The following PRRC1 variants were observed in gnomAD, a reference collection of about 807,000 sequenced individuals.
PRRC1 encodes the protein protein PRRC1.
In PRRC1, 39 loss-of-function variants were observed where a neutral mutation model predicts 40.7. That is an observed-to-expected ratio of 0.96 (90% CI 0.74 to 1.25). PRRC1 has a LOEUF of 1.25. Among genes scored for constraint, PRRC1 ranks in the 50% most tolerant of loss-of-function variants. The pLI is 0.00. For missense variants in PRRC1, 573 were observed against 548.3 expected, an observed-to-expected ratio of 1.05 and a Z score of -0.45; for synonymous variants, 175 against 193.3, an observed-to-expected ratio of 0.91 and a Z score of 0.79.
chr5:127,542,932 T>A (rs1488148058), intron 7 of PRRC1, among the ~76,000 whole-genome samples: 1 of 152,186 alleles, frequency 6.6e-6, no homozygotes, highest in African/African-American at 2.4e-5. Context: ...GTTAGCTGGT[T>A]ATTTTTCTCA....
At chr5:127,544,787 C>T (rs1289759494) in intron 7 of PRRC1, among the ~76,000 whole-genome samples, 2 of 152,178 alleles carry the variant, frequency 1.3e-5, no homozygotes, top group African/African-American at 4.8e-5. Context: ...GTCTGTCACC[C>T]CTTTCTTTGA....
At position 127,523,576 on chromosome 5, in the gene PRRC1, C is replaced by T. The variant is rs1450033087; in HGVS notation, c.97C>T (p.Pro33Ser). 3 of 1,598,664 alleles carry T rather than the reference C, an allele frequency of 1.9e-6. No homozygotes were observed. The highest frequency in any genetic ancestry group is 2.6e-6 in the Non-Finnish European group (3 of 1,171,138). ...AATAMSSTPV[P>S]LAATSSFSSP... is the part of the protein sequence containing the mutation. ...TACTGCTATGTCTTCTACCCCTGTT[C>T]CATTAGGTACATGTAGTTGTCTAAC... The change falls in exon 2 of 9, where the codon CCA becomes TCA. Residue 33 changes from proline (P) to serine (S), a missense_variant. Physicochemically the swap from Pro to Ser is moderately conservative, Grantham distance 74. Coordinates refer to ENST00000296666, the MANE Select transcript of PRRC1 (RefSeq NM_130809.5).
intron 8 of PRRC1, chr5:127,548,710 A>G (rs1004222945): frequency 2.6e-5 from 4 of 152,100 alleles, no homozygotes; most frequent in Non-Finnish European, 5.9e-5. Context: ...CCCAAGAAAA[A>G]TGCGTGTATG....
intron 3 of PRRC1, 108 bp from the exon 4 acceptor site, chr5:127,526,510 G>A (rs1767617372): frequency 1.3e-6 from 1 of 743,100 alleles, no homozygotes; most frequent in Non-Finnish European, 2.1e-6. Context: ...GTATAACTCA[G>A]TCTTCAAATG....
At position 127,552,382 on chromosome 5, in the gene PRRC1, G is replaced by GC; in HGVS notation, c.*467dup. 1 of 1,001,488 alleles carries GC rather than the reference G, an allele frequency of 1.0e-6. No homozygotes were observed. The highest frequency in any genetic ancestry group is 1.2e-6 in the Non-Finnish European group (1 of 838,572). The allele number at this position is 1,001,488 out of a possible 1,614,324, so 62.0% of individuals were successfully genotyped here. ...ATGTGCACACGATCTCAGGGCTGGT[G>GC]CTGAGCAGCCTGCTCAACAGTCACT... is the stretch of plus-strand genomic sequence containing the variant. On this transcript the variant is annotated 3_prime_UTR_variant, in exon 9 of 9. Coordinates refer to ENST00000296666, the MANE Select transcript of PRRC1 (RefSeq NM_130809.5).
At position 127,552,135 on chromosome 5, in the gene PRRC1, G is replaced by A. The variant is rs1768408832; in HGVS notation, c.*219G>A. 4 of 1,345,340 alleles carry A rather than the reference G, an allele frequency of 3.0e-6. No individual in the cohort carries two copies. The highest frequency in any genetic ancestry group is 3.7e-5 in the South Asian group (2 of 53,552). 83.3% of individuals were successfully genotyped at this position (1,345,340 alleles called of 1,614,324 possible). A position where few individuals can be genotyped will look rare whatever the true frequency, so the allele number is the denominator to read the frequency against. Reference sequence around the variant, plus strand: ...TAGTCATACCATTTCACCTATCATAGTACTCAAAAAAGAAAATATACAAAT... The same window carrying A: ...TAGTCATACCATTTCACCTATCATAATACTCAAAAAAGAAAATATACAAAT... On this transcript the variant is annotated 3_prime_UTR_variant, in exon 9 of 9. Transcript: ENST00000296666.
In PRRC1 at chr5:127,539,071, G is replaced by A. The variant is rs138177009; in HGVS notation, c.953G>A (p.Arg318Gln). 527 of 1,612,724 alleles carry A rather than the reference G, an allele frequency of 3.3e-4. 2 individuals are homozygous for A. The highest frequency in any genetic ancestry group is 3.9e-4 in the Non-Finnish European group (454 of 1,179,004). ...GAQERIDSLR[R>Q]TGVIHEKQTA... The stretch of plus-strand genomic sequence containing the variant: ...CAGGAACGGATAGATAGCTTGCGTC[G>A]AACTGGGGTGATCCATGAAAAACAG... Residue 318 changes from arginine to glutamine, a missense_variant, in exon 7 of 9, where the codon CGA becomes CAA. Coordinates refer to ENST00000296666, the MANE Select transcript of PRRC1 (RefSeq NM_130809.5).
At chr5:127,531,370 A>G (rs1416622715) in intron 5 of PRRC1, among the ~76,000 whole-genome samples, 3 of 152,188 alleles carry the variant, frequency 2.0e-5, no homozygotes, top group South Asian at 2.1e-4. Flanking sequence ...AGAAAATTGA[A>G]TCAAGCATTA....
chr5:127,523,028 T>A (rs1200190564), intron 1 of PRRC1, among the ~76,000 whole-genome samples: 2 of 152,194 alleles, frequency 1.3e-5, no homozygotes, highest in Admixed American at 1.3e-4. Flanking sequence ...TGCCCAGGCT[T>A]GTCTACAACT....
intron 1 of PRRC1, 104 bp from the exon 2 acceptor site, chr5:127,523,356 C>A: frequency 1.9e-6 from 1 of 533,096 alleles, no homozygotes; most frequent in East Asian, 3.0e-5. Context: ...TAAAGGTGGA[C>A]ATCTATCTCT....
intron 7 of PRRC1, among the ~76,000 whole-genome samples, chr5:127,540,401 A>G (rs1768010083): frequency 6.6e-6 from 1 of 152,118 alleles, no homozygotes; most frequent in Non-Finnish European, 1.5e-5. Context: ...AATTCTGCAT[A>G]TATTTTAAGC....
chr5:127,536,868 A>C (rs963754549), intron 6 of PRRC1, among the ~76,000 whole-genome samples: 1 of 151,622 alleles, frequency 6.6e-6, no homozygotes, highest in African/African-American at 2.4e-5. Context: ...TCGGCTTTTT[A>C]TTTTTTTTCA....
chr5:127,531,587 GA>G (rs1288854958), intron 5 of PRRC1, among the ~76,000 whole-genome samples: 1 of 148,420 alleles, frequency 6.7e-6, no homozygotes, highest in Non-Finnish European at 1.5e-5. Flanking sequence ...CAAACCCTAT[GA>G]GGTGCCAGGT....
chr5:127,532,839 G>T (rs1419143728), intron 5 of PRRC1, among the ~76,000 whole-genome samples: 2 of 152,080 alleles, frequency 1.3e-5, no homozygotes, highest in Admixed American at 6.5e-5. Context: ...TCTTTTGCCG[G>T]TGATAACTAT....
chr5:127,532,922 T>A (rs1046556258), intron 5 of PRRC1, among the ~76,000 whole-genome samples: 11 of 152,182 alleles, frequency 7.2e-5, no homozygotes, highest in African/African-American at 2.7e-4. Context: ...AAATGTTTGG[T>A]TAAGATTTTT....
intron 8 of PRRC1, chr5:127,549,667 T>C (rs996451863): frequency 3.3e-5 from 5 of 152,194 alleles, no homozygotes; most frequent in Non-Finnish European, 7.4e-5. Context: ...TTGCTGTAGA[T>C]CTGGGGTCAG....
chr5:127,541,500 G>A (rs954381116), intron 7 of PRRC1, among the ~76,000 whole-genome samples: 1 of 151,816 alleles, frequency 6.6e-6, no homozygotes, highest in Non-Finnish European at 1.5e-5. Flanking sequence ...AATCCATCTG[G>A]TCCTGTACTC....
rs201218624 is a variant in PRRC1 at position 127,539,039 on chromosome 5, G to C, written c.922-1G>C. 7.6e-5 allele frequency: 122 copies of C among 1,611,142 alleles called. No homozygotes were observed. The highest frequency in any genetic ancestry group is 1.0e-4 in the Non-Finnish European group (118 of 1,177,800). ...CTCTAACCTCTGCCATTGTTGTTTA[G>C]GGTGCTCAGGAACGGATAGATAGCT... On this transcript the variant is annotated splice_acceptor_variant, in intron 6 of 8. Transcript: ENST00000296666. LOFTEE classifies it high-confidence loss of function.
chr5:127,526,768 G>C lies in PRRC1; in HGVS notation c.644G>C (p.Gly215Ala). 1 of 1,603,624 alleles carries C rather than the reference G, an allele frequency of 6.2e-7. No individual in the cohort carries two copies. Among genetic ancestry groups the C allele is most frequent in the East Asian group, 2.2e-5 (1 of 44,612 alleles). ...QDEASAGGIWGFIKGVAGNPM... is the reference protein window; with the variant it reads ...QDEASAGGIWAFIKGVAGNPM... ...GAAGCATCTGCTGGTGGAATCTGGG[G>C]TTTTATTAAGGTAAGACGTGTTTAA... Residue 215 changes from glycine to alanine, a missense_variant, in exon 4 of 9, where the codon GGT (glycine) becomes GCT (alanine). Coordinates refer to ENST00000296666, the MANE Select transcript of PRRC1 (RefSeq NM_130809.5).
Sources: allele counts gnomAD v4.1 joint callset (sites outside exome capture counted in the v4.1 genomes callset), GRCh38; gene constraint gnomAD v4.1.1; transcripts MANE v1.5; gene names NCBI Gene and HGNC (gene_info 2026-07-23, HGNC 2026-07-21).